The following ABCA10 variants were observed in gnomAD, a reference collection of about 807,000 sequenced individuals.
The protein encoded by ABCA10 is ATP-binding cassette sub-family A member 10.
ABCA10 carries 169 observed loss-of-function variants against 187.5 expected under a neutral mutation model. That is an observed-to-expected ratio of 0.90 (90% confidence interval 0.80 to 1.02). The LOEUF (loss-of-function observed/expected upper bound fraction) is 1.02, where lower values mean the gene tolerates loss of function less well. ABCA10 is among the 50% of genes least tolerant of loss of function. ABCA10 has a pLI of 0.00. For synonymous variants in ABCA10, 574 were observed against 601.8 expected (o/e 0.95, Z 0.68); for missense variants, 1,727 against 1,812.4 (o/e 0.95, Z 0.86).
upstream of ABCA10, among the ~76,000 whole-genome samples, chr17:69,230,555 G>T (rs548330055): frequency 1.6e-4 from 24 of 152,026 alleles, no homozygotes; most frequent in Non-Finnish European, 3.2e-4. Context: ...AAATACTCCA[G>T]ATTTAGGCTT....
chr17:69,206,322 C>T (rs1337253245), intron 9 of ABCA10, among the ~76,000 whole-genome samples: 1 of 152,254 alleles, frequency 6.6e-6, no homozygotes. Context: ...GTTGGTACAG[C>T]AGACATCAAT....
At chr17:69,193,435 A>G in intron 14 of ABCA10, 58 bp downstream of exon 14, 1 of 1,561,746 alleles carries the variant, frequency 6.4e-7, no homozygotes, top group African/African-American at 1.4e-5. Context: ...TTGGACTTTA[A>G]TAATAGTTGT....
chr17:69,153,585 CA>C (rs2074148080), intron 32 of ABCA10, 39 bp from the exon 33 acceptor site: 2 of 1,607,384 alleles, frequency 1.2e-6, no homozygotes, highest in African/African-American at 2.7e-5. Context: ...AAGTATATGG[CA>C]AATGGACCTA....
rs1420049758 is a variant in ABCA10 at position 69,193,486 on chromosome 17, C to A, written c.1641+7G>T. On this transcript the variant is annotated splice_region_variant and intron_variant, in intron 14 of 38. Coordinates refer to ENST00000690296, the MANE Select transcript of ABCA10 (RefSeq NM_001377321.1). ...AATTAATTGTAAAAATATATTTTTT[C>A]TCTCACCTGAGGATCTCCTAAGATG... is the stretch of plus-strand genomic sequence containing the variant. 1 of 1,601,364 alleles carries A rather than the reference C, an allele frequency of 6.2e-7. No individual in the cohort carries two copies. Among genetic ancestry groups the A allele is most frequent in the Non-Finnish European group, 8.5e-7 (1 of 1,176,444 alleles).
chr17:69,186,802 C>T (rs1040989056), intron 19 of ABCA10, among the ~76,000 whole-genome samples: 3 of 152,134 alleles, frequency 2.0e-5, no homozygotes, highest in Non-Finnish European at 2.9e-5. Context: ...GTTTGTATAA[C>T]CTGGCATATA....
At position 69,222,715 on chromosome 17, in the gene ABCA10, CATAA is replaced by C. The variant is rs2074760264; in HGVS notation, c.35-22_35-19del. The C allele has an allele frequency of 7.1e-6, 11 of 1,542,342 alleles. No individual in the cohort carries two copies. The highest frequency in any genetic ancestry group is 2.4e-5 in the Admixed American group (1 of 41,530). ...TGTTCTTCCTACCATGTATGAAAAA[CATAA>C]ATAAATAATCATGTAAACTTATTAC... On this transcript the variant is annotated intron_variant, in intron 3 of 38. Transcript: ENST00000690296.
At chr17:69,241,301 C>T (rs1778519387) in intron 1 of ABCA10, among the ~76,000 whole-genome samples, 1 of 152,198 alleles carries the variant, frequency 6.6e-6, no homozygotes, top group South Asian at 2.1e-4. Flanking sequence ...TAGACCACTT[C>T]TTATTCACCT....
chr17:69,242,952 T>C (rs370876126), intron 1 of ABCA10, among the ~76,000 whole-genome samples: 1 of 152,122 alleles, frequency 6.6e-6, no homozygotes, highest in African/African-American at 2.4e-5. Context: ...AGTTTGAACA[T>C]AAAAGAAGGG....
intron 21 of ABCA10, 143 bp from the exon 22 acceptor site, chr17:69,182,433 T>C (rs2074386987): frequency 3.1e-6 from 3 of 974,970 alleles, no homozygotes; most frequent in Non-Finnish European, 4.2e-6. Context: ...TTTGAATTGG[T>C]ACAAGAATGC....
chr17:69,235,501 C>G (rs910703398), intron 1 of ABCA10, among the ~76,000 whole-genome samples: 33 of 152,188 alleles, frequency 2.2e-4, no homozygotes, highest in African/African-American at 7.0e-4. Flanking sequence ...TTGGGTGACT[C>G]TGGCTCAGAA....
chr17:69,196,615 G>A, intron 11 of ABCA10: 1 of 193,776 alleles, frequency 5.2e-6, no homozygotes, highest in Non-Finnish European at 1.1e-5. Flanking sequence ...TGGGGTGGCG[G>A]CCGGGCAGAG....
chr17:69,179,725 G>A (rs1045091494), intron 22 of ABCA10, among the ~76,000 whole-genome samples: 3 of 152,106 alleles, frequency 2.0e-5, no homozygotes, highest in Non-Finnish European at 4.4e-5. Context: ...TATTCTCTAC[G>A]GAATTCTCTT....
intron 27 of ABCA10, among the ~76,000 whole-genome samples, chr17:69,160,309 T>A (rs902614357): frequency 1.3e-5 from 2 of 152,092 alleles, no homozygotes; most frequent in Non-Finnish European, 2.9e-5. Flanking sequence ...TAACCCAATT[T>A]AAAAATGGGC....
chr17:69,164,056 G>T lies in ABCA10; in HGVS notation c.3363+18C>A, dbSNP rs1047694353. 1.1e-5 allele frequency: 16 copies of T among 1,510,482 alleles called. No individual in the cohort carries two copies. In the East Asian group the frequency reaches 3.8e-4, roughly 36 times the overall value. The allele number at this position is 1,510,482 out of a possible 1,614,324, so 93.6% of individuals were successfully genotyped here. On this transcript the variant is annotated intron_variant, in intron 27 of 38. Coordinates refer to ENST00000690296, the MANE Select transcript of ABCA10 (RefSeq NM_001377321.1). ...AATCTTATGCAATATATATATTTAG[G>T]TAGAAAATGTTCCTTACTATTAAGG...
intron 9 of ABCA10, among the ~76,000 whole-genome samples, chr17:69,211,716 T>G (rs1398554520): frequency 6.6e-6 from 1 of 152,098 alleles, no homozygotes; most frequent in Non-Finnish European, 1.5e-5. Flanking sequence ...TCTAGAAGGG[T>G]TGCATATTTC....
Position 69,221,878 on chromosome 17 carries a change from G to T in ABCA10, c.217C>A (p.His73Asn). Residue 73 changes from histidine (H) to asparagine (N), a missense_variant, in exon 5 of 39, where the codon CAT becomes AAT. His to Asn is a moderately conservative substitution (Grantham distance 68). Coordinates refer to ENST00000690296, the MANE Select transcript of ABCA10 (RefSeq NM_001377321.1). ...SEYTEHCWAM[H>N]GEIFCYLAKY... ...GCCAAGTAACAAAAAATTTCACCAT[G>T]CATGGCCCAACAGTGTTCTTTAAGG... The T allele has an allele frequency of 6.2e-7, 1 of 1,612,760 alleles. No homozygotes were observed. Among genetic ancestry groups the T allele is most frequent in the Middle Eastern group, 1.7e-4 (1 of 6,060 alleles).
intron 22 of ABCA10, chr17:69,175,909 T>A (rs1325289681): frequency 6.5e-6 from 1 of 152,902 alleles, no homozygotes; most frequent in African/African-American, 2.4e-5. Flanking sequence ...AAAGGGATGA[T>A]TCACTTCCTG....
rs1412019310 is a variant in ABCA10 at position 69,209,465 on chromosome 17, G to A, written c.1006+5239C>T. Among the ~76,000 whole-genome samples, 3 of 152,214 alleles carry A rather than the reference G, an allele frequency of 2.0e-5. No individual in the cohort carries two copies. In the East Asian group the frequency reaches 5.8e-4, roughly 29 times the overall value. Reference sequence around the variant, plus strand: ...ATTATTTGCCAGTAAGAAGCATAGGGACTAAACTGTAAACGATAGTACAAT... The same window carrying A: ...ATTATTTGCCAGTAAGAAGCATAGGAACTAAACTGTAAACGATAGTACAAT... On this transcript the variant is annotated intron_variant, in intron 9 of 38. Transcript: ENST00000690296.
chr17:69,201,381 T>A (rs2074542924), intron 10 of ABCA10, 119 bp downstream of exon 10: 6 of 935,056 alleles, frequency 6.4e-6, no homozygotes, highest in African/African-American at 3.4e-5. Context: ...GAATTTAGGA[T>A]GATGGCAGAG....
Sources: gnomAD v4.1 joint callset for allele counts (sites outside exome capture counted in the v4.1 genomes callset) on GRCh38, gnomAD v4.1.1 for gene constraint, MANE v1.5 for transcripts, NCBI Gene and HGNC (gene_info 2026-07-23, HGNC 2026-07-21) for gene names.